LINGO2: variants seen among roughly 807,000 people sequenced by gnomAD.
LINGO2 encodes leucine rich repeat and Ig domain containing 2, also known as leucine-rich repeat and immunoglobulin-like domain-containing nogo receptor-interacting protein 2.
Under a neutral mutation model 30.6 loss-of-function variants are expected in LINGO2, and 14 were observed. The observed-to-expected ratio is 0.46, with a 90% confidence interval of 0.30 to 0.72. The LOEUF (loss-of-function observed/expected upper bound fraction) is 0.72. Ranked by LOEUF, LINGO2 falls within the 30% of genes least tolerant of loss-of-function variation. LINGO2 has a pLI of 0.07. For synonymous variants in LINGO2, 317 were observed against 288.5 expected, an observed-to-expected ratio of 1.10 and a Z score of -1.00; for missense variants, 729 against 751.7, an observed-to-expected ratio of 0.97 and a Z score of 0.35.
At chr9:28,391,748 TTTATAA>T (rs1279145406) in intron 2 of LINGO2, among the ~76,000 whole-genome samples, 3 of 152,182 alleles carry the variant, frequency 2.0e-5, no homozygotes, top group African/African-American at 7.2e-5. Flanking sequence ...ATGGAAATTC[TTTATAA>T]TTATTTTTGA....
At chr9:28,035,663 T>C (rs1300495260) in intron 4 of LINGO2, among the ~76,000 whole-genome samples, 1 of 152,228 alleles carries the variant, frequency 6.6e-6, no homozygotes, top group East Asian at 1.9e-4. Context: ...GAAAACATTT[T>C]TAAAATTCTA....
At chr9:28,887,572 T>C in the LINGO2 span, among the ~76,000 whole-genome samples, 2 of 152,002 alleles carry the variant, frequency 1.3e-5, no homozygotes, top group Non-Finnish European at 2.9e-5. Context: ...TAAGATAAGC[T>C]TTTCAGAGGA....
At chr9:28,034,013 C>G (rs1823810753) in intron 4 of LINGO2, among the ~76,000 whole-genome samples, 1 of 152,214 alleles carries the variant, frequency 6.6e-6, no homozygotes, top group Non-Finnish European at 1.5e-5. Flanking sequence ...GGTCTCCCTT[C>G]TAAGAGATGC....
At chr9:28,224,886 G>C (rs1249093873) in intron 4 of LINGO2, among the ~76,000 whole-genome samples, 1 of 152,028 alleles carries the variant, frequency 6.6e-6, no homozygotes, top group East Asian at 1.9e-4. Flanking sequence ...ATACTACTAA[G>C]CTATAGTACA....
At chr9:28,531,538 T>C (rs1821238612) in intron 1 of LINGO2, among the ~76,000 whole-genome samples, 2 of 152,266 alleles carry the variant, frequency 1.3e-5, no homozygotes, top group Non-Finnish European at 2.9e-5. Context: ...GAATTTTACA[T>C]AAAGAAAACT....
At chr9:28,720,986 A>G in the LINGO2 span, among the ~76,000 whole-genome samples, 1 of 152,098 alleles carries the variant, frequency 6.6e-6, no homozygotes, top group African/African-American at 2.4e-5. Context: ...AATGCTCACA[A>G]GATAGACTAT....
the LINGO2 span, among the ~76,000 whole-genome samples, chr9:29,096,504 T>A: frequency 7.2e-6 from 1 of 139,582 alleles, no homozygotes; most frequent in Admixed American, 7.3e-5. Flanking sequence ...CAGGCTGGTC[T>A]CAAATTCCTG....
chr9:28,767,997 T>A, the LINGO2 span, among the ~76,000 whole-genome samples: 1 of 152,276 alleles, frequency 6.6e-6, no homozygotes, highest in East Asian at 1.9e-4. Context: ...TATCAGCCAT[T>A]GATGCTCATT....
the LINGO2 span, among the ~76,000 whole-genome samples, chr9:29,148,473 G>C: frequency 1.3e-5 from 2 of 152,122 alleles, no homozygotes; most frequent in Non-Finnish European, 2.9e-5. Flanking sequence ...TGGTGTCTAT[G>C]ATTATAGTGG....
intron 3 of LINGO2, among the ~76,000 whole-genome samples, chr9:28,309,933 C>T (rs1824544306): frequency 6.6e-6 from 1 of 151,742 alleles, no homozygotes; most frequent in African/African-American, 2.4e-5. Flanking sequence ...AGTTCTCCAG[C>T]AAATAAAAAA....
chr9:28,218,168 AAT>A (rs1820834512), intron 4 of LINGO2, among the ~76,000 whole-genome samples: 1 of 141,546 alleles, frequency 7.1e-6, no homozygotes, highest in Non-Finnish European at 1.5e-5. Context: ...AATAATACTA[AAT>A]ATAGTATCAA....
intron 4 of LINGO2, among the ~76,000 whole-genome samples, chr9:28,128,230 A>T (rs895051028): frequency 1.2e-4 from 18 of 152,216 alleles, no homozygotes; most frequent in Non-Finnish European, 1.8e-4. Context: ...CCAGCTTGTG[A>T]GCCACAGAAA....
chr9:28,339,894 T>C (rs1000324190), intron 3 of LINGO2, among the ~76,000 whole-genome samples: 1 of 152,122 alleles, frequency 6.6e-6, no homozygotes, highest in Non-Finnish European at 1.5e-5. Flanking sequence ...TTAAGTTCTC[T>C]CCTCTGAGCC....
chr9:28,527,895 G>A (rs547903697), intron 1 of LINGO2, among the ~76,000 whole-genome samples: 4 of 152,136 alleles, frequency 2.6e-5, no homozygotes, highest in Non-Finnish European at 4.4e-5. Context: ...ACAAACAAAA[G>A]ATCTTATATA....
the LINGO2 span, among the ~76,000 whole-genome samples, chr9:28,860,270 A>G: frequency 0.71 from 107,524 of 151,940 alleles, 38,997 homozygotes; most frequent in East Asian, 0.9. Context: ...TATGCTAGAT[A>G]TTTTTGTGAA....
At chr9:28,452,593 G>T (rs918196452) in intron 2 of LINGO2, among the ~76,000 whole-genome samples, 8 of 151,714 alleles carry the variant, frequency 5.3e-5, no homozygotes, top group African/African-American at 1.9e-4. Context: ...ATTCTACAGG[G>T]CTAGTGTCCT....
At chr9:28,656,541 A>G (rs1310396639) in intron 1 of LINGO2, among the ~76,000 whole-genome samples, 1 of 152,102 alleles carries the variant, frequency 6.6e-6, no homozygotes, top group Non-Finnish European at 1.5e-5. Flanking sequence ...AGACACATCC[A>G]AACTGAGATG....
At chr9:28,972,026 G>A in the LINGO2 span, among the ~76,000 whole-genome samples, 12 of 152,202 alleles carry the variant, frequency 7.9e-5, no homozygotes, top group East Asian at 3.9e-4. Context: ...GAACTCTCCC[G>A]AATCTTTTGG....
chr9:28,028,800 G>T (rs1051839028), intron 4 of LINGO2, among the ~76,000 whole-genome samples: 1 of 152,000 alleles, frequency 6.6e-6, no homozygotes, highest in African/African-American at 2.4e-5. Context: ...CCATGGATGA[G>T]AATCCACAGA....
Sources: allele counts gnomAD v4.1 joint callset (sites outside exome capture counted in the v4.1 genomes callset), GRCh38; gene constraint gnomAD v4.1.1; transcripts MANE v1.5; gene names NCBI Gene and HGNC (gene_info 2026-07-23, HGNC 2026-07-21).